The following UCP3 variants were observed in gnomAD, a reference collection of about 807,000 sequenced individuals.
UCP3 encodes putative mitochondrial transporter UCP3.
UCP3 carries 24 observed loss-of-function variants against 28.1 expected under a neutral mutation model. The ratio of observed to expected loss-of-function variants is 0.85; its 90% CI spans 0.62 to 1.20. The LOEUF (loss-of-function observed/expected upper bound fraction) is 1.20. Among genes scored for constraint, UCP3 ranks in the 50% most tolerant of loss-of-function variants. The probability of loss-of-function intolerance (pLI) is 0.00; values close to 1 mark genes in which losing one functional copy is unlikely to be tolerated. For synonymous variants in UCP3, 184 were observed against 171.2 expected (o/e 1.07, Z -0.59); for missense variants, 397 against 422.2 (o/e 0.94, Z 0.52).
In UCP3 at chr11:74,002,703, C is replaced by T. The variant is rs1249191714; in HGVS notation, c.824+1124G>A. 6.2e-6 allele frequency: 6 copies of T among 970,618 alleles called. No homozygotes were observed. The African/African-American group carries it at 1.1e-4, about 17-fold the overall frequency. 60.1% of individuals were successfully genotyped at this position (970,618 alleles called of 1,614,324 possible). A position where few individuals can be genotyped will look rare whatever the true frequency, so the allele number is the denominator to read the frequency against. The stretch of plus-strand genomic sequence containing the variant: ...AATGTTGGACAAGTGAAAGCAGTAA[C>T]TGAGACAAGTGGCTACAGCTGAAGA... On this transcript the variant is annotated intron_variant, in intron 6 of 6. Transcript: ENST00000314032.
At chr11:74,004,143 G>T in intron 5 of UCP3, 136 bp from the exon 6 acceptor site, 1 of 1,453,374 alleles carries the variant, frequency 6.9e-7, no homozygotes, top group Non-Finnish European at 9.3e-7. Context: ...AGTGCCCTGG[G>T]CTAAGCTCTT....
At position 74,004,373 on chromosome 11, in the gene UCP3, T is replaced by C. The variant is rs1352918901; in HGVS notation, c.643+111A>G. 3.0e-6 allele frequency: 3 copies of C among 987,738 alleles called. No homozygotes were observed. In the African/African-American group the frequency reaches 4.9e-5, roughly 16 times the overall value. 61.2% of individuals were successfully genotyped at this position (987,738 alleles called of 1,614,324 possible). On this transcript the variant is annotated intron_variant, in intron 5 of 6. Coordinates refer to ENST00000314032, the MANE Select transcript of UCP3 (RefSeq NM_003356.4). ...GGCACTTTTTACTAGGCACTGCTTC[T>C]CTCTCTGCTCCTTCTAAAACCCAGT...
At position 74,007,136 on chromosome 11, in the gene UCP3, G is replaced by C; in HGVS notation, c.-94C>G. 2 of 1,501,258 alleles carry C rather than the reference G, an allele frequency of 1.3e-6. No individual in the cohort carries two copies. Among genetic ancestry groups the C allele is most frequent in the African/African-American group, 1.4e-5 (1 of 72,514 alleles). 93.0% of individuals were successfully genotyped at this position (1,501,258 alleles called of 1,614,324 possible). On this transcript the variant is annotated splice_region_variant and 5_prime_UTR_variant, in exon 2 of 7. Coordinates refer to ENST00000314032, the MANE Select transcript of UCP3 (RefSeq NM_003356.4). ...GCCCTGGGCTTCAGTGCAGCGGTGG[G>C]GCTGCAGGAGACAGGCCAGAGAAGG...
In UCP3 at chr11:74,004,076, T is replaced by C. The variant is rs1951641642; in HGVS notation, c.644-69A>G. 1.1e-5 allele frequency: 18 copies of C among 1,586,626 alleles called. 1 individual carries two copies. The South Asian group carries it at 2.0e-4, about 18-fold the overall frequency. The stretch of plus-strand genomic sequence containing the variant: ...TCTGTCCATATGTATGCACTGTTTG[T>C]CCCCAACTCAACCGTGAACTCCCTG... On this transcript the variant is annotated intron_variant, in intron 5 of 6. Coordinates refer to ENST00000314032, the MANE Select transcript of UCP3 (RefSeq NM_003356.4).
At position 74,001,419 on chromosome 11, in the gene UCP3, G is replaced by T; in HGVS notation, c.932C>A (p.Pro311Gln). ...LMKVQMLRES[P>Q]F ...GTGGCCTTCTTGTCTTGTTCAAAAC[G>T]GTGATTCCCGTAACATCTGGACTTT... Residue 311 changes from proline to glutamine, a missense_variant, in exon 7 of 7, where the codon CCG becomes CAG. Transcript: ENST00000314032. 6.2e-7 allele frequency: 1 copy of T among 1,614,110 alleles called. No homozygotes were observed. The highest frequency in any genetic ancestry group is 8.5e-7 in the Non-Finnish European group (1 of 1,180,022).
Position 74,001,344 on chromosome 11 carries a change from A to C in UCP3, c.*68T>G. On this transcript the variant is annotated 3_prime_UTR_variant, in exon 7 of 7. Coordinates refer to ENST00000314032, the MANE Select transcript of UCP3 (RefSeq NM_003356.4). The stretch of plus-strand genomic sequence containing the variant: ...TGGGTCTGTGTCCATGTGTGCGTGG[A>C]TGCACCGTTTTCTTCCATTCTTAAC... The C allele has an allele frequency of 6.9e-7, 1 of 1,445,512 alleles. No individual in the cohort carries two copies. Among genetic ancestry groups the C allele is most frequent in the Non-Finnish European group, 9.7e-7 (1 of 1,029,280 alleles). 89.5% of individuals were successfully genotyped at this position (1,445,512 alleles called of 1,614,324 possible).
intron 2 of UCP3, among the ~76,000 whole-genome samples, 175 bp from the exon 3 acceptor site, chr11:74,006,554 T>C (rs1292585543): frequency 3.3e-5 from 5 of 152,234 alleles, no homozygotes; most frequent in African/African-American, 9.6e-5. Context: ...AGCAGTATTA[T>C]ACACATGGCT....
chr11:74,002,514 G>A lies in UCP3; in HGVS notation c.825-988C>T, dbSNP rs565167227. 4.6e-5 allele frequency among the ~76,000 whole-genome samples: 7 copies of A among 152,320 alleles called. No homozygotes were observed. In the South Asian group the frequency reaches 1.4e-3, roughly 32 times the overall value. On this transcript the variant is annotated intron_variant, in intron 6 of 6. Transcript: ENST00000314032. ...TATCTGTAAAATGAGGAAAATAACA[G>A]TATCTGCCTTGTGGAGTTAGTCGTG...
chr11:74,000,861 C>T lies in UCP3; in HGVS notation c.*551G>A, dbSNP rs1250592229. On this transcript the variant is annotated 3_prime_UTR_variant, in exon 7 of 7. Coordinates refer to ENST00000314032, the MANE Select transcript of UCP3 (RefSeq NM_003356.4). ...ACAGGCTCTAGTTTTTTCTCTTGTT[C>T]CTTGGGTTTCCTAGAATCCCAAAGG... The T allele has an allele frequency of 6.5e-6, 1 of 153,386 alleles. No homozygotes were observed. The highest frequency in any genetic ancestry group is 1.5e-5 in the Non-Finnish European group (1 of 68,928). 9.5% of individuals were successfully genotyped at this position (153,386 alleles called of 1,614,324 possible). A position where few individuals can be genotyped will look rare whatever the true frequency, so the allele number is the denominator to read the frequency against.
In UCP3 at chr11:74,001,425, T is replaced by C; in HGVS notation, c.926A>G (p.Glu309Gly). 1.2e-6 allele frequency: 2 copies of C among 1,614,202 alleles called. No individual in the cohort carries two copies. The highest frequency in any genetic ancestry group is 1.7e-6 in the Non-Finnish European group (2 of 1,180,038). Residue 309 changes from glutamate to glycine, a missense_variant, in exon 7 of 7, where the codon GAA (glutamate) becomes GGA (glycine). Transcript: ENST00000314032. Reference protein sequence around the residue: ...RALMKVQMLRESPF With the variant: ...RALMKVQMLRGSPF ...TTCTTGTCTTGTTCAAAACGGTGAT[T>C]CCCGTAACATCTGGACTTTCATCAG...
intron 3 of UCP3, 72 bp downstream of exon 3, chr11:74,006,097 C>T (rs902922589): frequency 3.0e-5 from 48 of 1,592,130 alleles, no homozygotes; most frequent in Non-Finnish European, 3.9e-5. Flanking sequence ...GCCTCTGAGT[C>T]TAGACTTCCC....
chr11:74,000,352 C>A lies in UCP3; in HGVS notation c.*1060G>T, dbSNP rs1482960331. Reference sequence around the variant, plus strand: ...AATAATTTCCCGAGAATTCCGAGTCCTGCTACTTTAGGTTCTTGCCCAGGA... The same window carrying A: ...AATAATTTCCCGAGAATTCCGAGTCATGCTACTTTAGGTTCTTGCCCAGGA... On this transcript the variant is annotated 3_prime_UTR_variant, in exon 7 of 7. Transcript: ENST00000314032. 6.6e-6 allele frequency: 1 copy of A among 151,186 alleles called. No individual in the cohort carries two copies. 9.4% of individuals were successfully genotyped at this position (151,186 alleles called of 1,614,324 possible). A position where few individuals can be genotyped will look rare whatever the true frequency, so the allele number is the denominator to read the frequency against.
chr11:74,005,674 C>G, intron 4 of UCP3, 56 bp downstream of exon 4: 1 of 1,594,830 alleles, frequency 6.3e-7, no homozygotes. Context: ...CCTGCCCCAG[C>G]CTGAGGGGAG....
At position 74,000,574 on chromosome 11, in the gene UCP3, TG is replaced by T. The variant is rs1401600930; in HGVS notation, c.*837del. 1 of 152,356 alleles carries T rather than the reference TG, an allele frequency of 6.6e-6. No homozygotes were observed. Among genetic ancestry groups the T allele is most frequent in the Non-Finnish European group, 1.5e-5 (1 of 68,140 alleles). The allele number at this position is 152,356 out of a possible 1,614,324, so 9.4% of individuals were successfully genotyped here. A position where few individuals can be genotyped will look rare whatever the true frequency, so the allele number is the denominator to read the frequency against. Reference sequence around the variant, plus strand: ...ACCGTATCTTTCAAACCTTCTTCCCTGGCAACTCCTCTCTGTCCCGACAAAA... The same window carrying T: ...ACCGTATCTTTCAAACCTTCTTCCCTGCAACTCCTCTCTGTCCCGACAAAA... On this transcript the variant is annotated 3_prime_UTR_variant, in exon 7 of 7. Transcript: ENST00000314032.
chr11:74,001,098 C>T lies in UCP3; in HGVS notation c.*314G>A. 1 of 376,088 alleles carries T rather than the reference C, an allele frequency of 2.7e-6. No individual in the cohort carries two copies. The highest frequency in any genetic ancestry group is 4.9e-6 in the Non-Finnish European group (1 of 205,034). The allele number at this position is 376,088 out of a possible 1,614,324, so 23.3% of individuals were successfully genotyped here. The stretch of plus-strand genomic sequence containing the variant: ...TTTCACGGGGATACACGTCTCCAAC[C>T]TTCCATTTTGTCCAAATGGATCTAT... On this transcript the variant is annotated 3_prime_UTR_variant, in exon 7 of 7. Transcript: ENST00000314032.
At position 74,005,901 on chromosome 11, in the gene UCP3, A is replaced by T. The variant is rs372170217; in HGVS notation, c.370T>A (p.Cys124Ser). The stretch of plus-strand genomic sequence containing the variant: ...GTCACCGCCATGGCTCCTGTGGTGC[A>T]GCCGGCCAAAATCCGGGTAGTGAGG... ...SSLTTRILAG[C>S]TTGAMAVTCA... The change falls in exon 4 of 7, where the codon TGC becomes AGC. Residue 124 changes from cysteine (C) to serine (S), a missense_variant. Transcript: ENST00000314032. 65 of 1,614,060 alleles carry T rather than the reference A, an allele frequency of 4.0e-5. No individual in the cohort carries two copies. Among genetic ancestry groups the T allele is most frequent in the Non-Finnish European group, 4.8e-5 (57 of 1,180,044 alleles).
chr11:74,001,485 A>G lies in UCP3; in HGVS notation c.866T>C (p.Val289Ala), dbSNP rs1565189918. 1 of 1,614,118 alleles carries G rather than the reference A, an allele frequency of 6.2e-7. No homozygotes were observed. Among genetic ancestry groups the G allele is most frequent in the Non-Finnish European group, 8.5e-7 (1 of 1,180,030 alleles). Reference sequence around the variant, plus strand: ...CAGCTGCTCATAGGTTACGAACATCACCACGTTCCAGGATCCCAAACGCAA... The same window carrying G: ...CAGCTGCTCATAGGTTACGAACATCGCCACGTTCCAGGATCCCAAACGCAA... ...SFLRLGSWNVVMFVTYEQLKR... is the reference protein window; with the variant it reads ...SFLRLGSWNVAMFVTYEQLKR... Residue 289 changes from valine to alanine, a missense_variant, in exon 7 of 7, where the codon GTG becomes GCG. Transcript: ENST00000314032.
chr11:74,004,607 G>A (rs1304749541), intron 4 of UCP3, 22 bp from the exon 5 acceptor site: 4 of 1,608,704 alleles, frequency 2.5e-6, no homozygotes, highest in Non-Finnish European at 3.4e-6. Flanking sequence ...GCGGTGGGGA[G>A]GGATGTGAAA....
Position 74,006,922 on chromosome 11 carries a change from G to A in UCP3, c.121C>T (p.Leu41=), listed in dbSNP as rs201532497. The part of the protein sequence containing the change: ...TFPLDTAKVR[L]QIQGENQAVQ... ...CTTGGCCAAAGGGCACCTACCTGCA[G>A]GCGGACCTTGGCTGTGTCCAGTGGA... The change falls in exon 2 of 7, where the codon CTG becomes TTG. Residue 41 remains leucine, a synonymous_variant. Transcript: ENST00000314032. The A allele has an allele frequency of 1.9e-6, 3 of 1,614,060 alleles. No individual in the cohort carries two copies. The highest frequency in any genetic ancestry group is 2.5e-6 in the Non-Finnish European group (3 of 1,180,038).
Sources: gnomAD v4.1 joint callset for allele counts (sites outside exome capture counted in the v4.1 genomes callset) on GRCh38, gnomAD v4.1.1 for gene constraint, MANE v1.5 for transcripts, NCBI Gene and HGNC (gene_info 2026-07-23, HGNC 2026-07-21) for gene names.